NPAS3: variants seen among roughly 807,000 people sequenced by gnomAD.
NPAS3 encodes the protein neuronal PAS domain protein 3, also known as neuronal PAS domain-containing protein 3.
NPAS3 carries 14 observed loss-of-function variants against 73.1 expected under a neutral mutation model. The ratio of observed to expected loss-of-function variants is 0.19; its 90% CI spans 0.13 to 0.30. NPAS3 has a LOEUF of 0.30. Among genes scored for constraint, NPAS3 ranks in the 10% least tolerant of loss-of-function variants. NPAS3 has a pLI of 1.00. For missense variants in NPAS3, 1,096 were observed against 1,250.0 expected, an observed-to-expected ratio of 0.88 and a Z score of 1.86; for synonymous variants, 620 against 541.5, an observed-to-expected ratio of 1.14 and a Z score of -2.01.
chr14:33,215,040 C>A, intron 2 of NPAS3, 142 bp from the exon 3 acceptor site: 1 of 830,268 alleles, frequency 1.2e-6, no homozygotes, highest in Non-Finnish European at 1.9e-6. Context: ...TTTTCTGGAA[C>A]TCATTTTACT....
chr14:33,254,061 C>A (rs1342906577), intron 3 of NPAS3, among the ~76,000 whole-genome samples: 1 of 152,040 alleles, frequency 6.6e-6, no homozygotes, highest in African/African-American at 2.4e-5. Context: ...CCATCCTCAT[C>A]CTCTCTGCTT....
chr14:33,595,968 A>G (rs934664360), intron 5 of NPAS3, among the ~76,000 whole-genome samples: 1 of 152,208 alleles, frequency 6.6e-6, no homozygotes, highest in Non-Finnish European at 1.5e-5. Context: ...ATTGAATCCT[A>G]TATAGATAGC....
intron 2 of NPAS3, among the ~76,000 whole-genome samples, chr14:33,203,475 C>T (rs188497157): frequency 3.3e-5 from 5 of 152,212 alleles, no homozygotes; most frequent in African/African-American, 1.2e-4. Context: ...TCCCCACTCC[C>T]CACACCCCAC....
chr14:33,479,402 A>G (rs1290781134), intron 4 of NPAS3, among the ~76,000 whole-genome samples: 1 of 152,114 alleles, frequency 6.6e-6, no homozygotes, highest in Admixed American at 6.6e-5. Context: ...TGAGGTCCCT[A>G]GTGAAGACAG....
chr14:33,454,539 G>T (rs1446424575), intron 4 of NPAS3, among the ~76,000 whole-genome samples: 1 of 152,166 alleles, frequency 6.6e-6, no homozygotes, highest in South Asian at 2.1e-4. Flanking sequence ...AGTGTTGGTG[G>T]TTATTGTTGT....
chr14:33,381,791 C>T (rs2046566124), intron 4 of NPAS3, among the ~76,000 whole-genome samples: 1 of 152,160 alleles, frequency 6.6e-6, no homozygotes, highest in South Asian at 2.1e-4. Context: ...TTGCCCTGAG[C>T]AGAAGACAAC....
chr14:33,071,922 G>A (rs912618261), intron 2 of NPAS3, among the ~76,000 whole-genome samples: 1 of 151,848 alleles, frequency 6.6e-6, no homozygotes, highest in African/African-American at 2.4e-5. Flanking sequence ...ATGGAGTCTT[G>A]CTCCGTCACC....
At chr14:33,146,065 GC>G (rs1344666960) in intron 2 of NPAS3, among the ~76,000 whole-genome samples, 5 of 152,080 alleles carry the variant, frequency 3.3e-5, no homozygotes, top group Non-Finnish European at 7.4e-5. Flanking sequence ...CCTTGTTAGA[GC>G]ATTGCCTAAT....
chr14:33,159,215 C>T (rs2044759982), intron 2 of NPAS3, among the ~76,000 whole-genome samples: 1 of 151,962 alleles, frequency 6.6e-6, no homozygotes, highest in South Asian at 2.1e-4. Flanking sequence ...TACTGTAATT[C>T]CCCATTTTAT....
At chr14:33,681,884 G>GACAAACAA (rs148501715) in intron 6 of NPAS3, among the ~76,000 whole-genome samples, 11 of 150,900 alleles carry the variant, frequency 7.3e-5, no homozygotes, top group African/African-American at 2.2e-4. Context: ...AAGGGTAAGT[G>GACAAACAA]ACAAACAGTG....
At chr14:33,050,281 C>T (rs2040657615) in intron 1 of NPAS3, among the ~76,000 whole-genome samples, 1 of 152,168 alleles carries the variant, frequency 6.6e-6, no homozygotes, top group Non-Finnish European at 1.5e-5. Context: ...TTGTTTTAAG[C>T]TGGAATCTAT....
intron 4 of NPAS3, among the ~76,000 whole-genome samples, chr14:33,552,511 C>G (rs61124842): frequency 0.013 from 1,939 of 152,074 alleles, 41 homozygotes; most frequent in African/African-American, 0.044. Flanking sequence ...TTTATGATGT[C>G]CGATAACAAT....
At chr14:33,684,922 G>C (rs1419264947) in intron 6 of NPAS3, among the ~76,000 whole-genome samples, 1 of 152,216 alleles carries the variant, frequency 6.6e-6, no homozygotes, top group Non-Finnish European at 1.5e-5. Flanking sequence ...GGAGGGATCT[G>C]CTCATGAAAC....
chr14:33,047,625 T>C (rs1170172082), intron 1 of NPAS3, among the ~76,000 whole-genome samples: 1 of 152,208 alleles, frequency 6.6e-6, no homozygotes, highest in Non-Finnish European at 1.5e-5. Context: ...TAGACAAGCC[T>C]AGTAGATGGT....
chr14:33,722,309 A>G (rs1944535751), intron 6 of NPAS3, among the ~76,000 whole-genome samples: 1 of 152,016 alleles, frequency 6.6e-6, no homozygotes, highest in Non-Finnish European at 1.5e-5. Context: ...CTTCAACCCC[A>G]TTTTCCCCAT....
At chr14:33,062,310 AAAG>A (rs1459969297) in intron 2 of NPAS3, among the ~76,000 whole-genome samples, 2 of 152,158 alleles carry the variant, frequency 1.3e-5, no homozygotes, top group Non-Finnish European at 2.9e-5. Flanking sequence ...AGAAAAAAAA[AAAG>A]AAGGAATGTG....
chr14:33,123,612 A>C (rs1266655627), intron 2 of NPAS3, among the ~76,000 whole-genome samples: 1 of 152,030 alleles, frequency 6.6e-6, no homozygotes, highest in Admixed American at 6.6e-5. Flanking sequence ...TCGGGAGGAG[A>C]AGCAGAGTTA....
chr14:33,296,729 C>T (rs912854), intron 3 of NPAS3, among the ~76,000 whole-genome samples: 122,058 of 152,192 alleles, frequency 0.8, 49,556 homozygotes, highest in African/African-American at 0.93. Flanking sequence ...TCTTGGTTCA[C>T]GTAGAAGCAG....
chr14:33,122,553 C>T (rs1334477910), intron 2 of NPAS3, among the ~76,000 whole-genome samples: 1 of 152,104 alleles, frequency 6.6e-6, no homozygotes, highest in Non-Finnish European at 1.5e-5. Context: ...TCTGCTAATA[C>T]TATTATCAGT....
Sources: allele counts gnomAD v4.1 joint callset (sites outside exome capture counted in the v4.1 genomes callset), GRCh38; gene constraint gnomAD v4.1.1; transcripts MANE v1.5; gene names NCBI Gene and HGNC (gene_info 2026-07-23, HGNC 2026-07-21).